Variants in MMP24 observed in about 807,000 individuals in gnomAD.
MMP24 encodes matrix metallopeptidase 24, also known as matrix metalloproteinase-24.
In MMP24, 25 loss-of-function variants were observed where a neutral mutation model predicts 62.8. The ratio of observed to expected loss-of-function variants is 0.40; its 90% CI spans 0.29 to 0.56. The LOEUF is 0.56. MMP24 is among the 20% of genes least tolerant of loss of function. MMP24 has a pLI of 0.50. For synonymous variants in MMP24, 319 were observed against 350.5 expected, an observed-to-expected ratio of 0.91 and a Z score of 1.00; for missense variants, 634 against 853.6, an observed-to-expected ratio of 0.74 and a Z score of 3.21.
intron 7 of MMP24, among the ~76,000 whole-genome samples, chr20:35,270,349 GA>G (rs1367608663): frequency 1.3e-5 from 2 of 152,240 alleles, no homozygotes; most frequent in African/African-American, 4.8e-5. Context: ...GAGAAGCAAG[GA>G]AGGCATTCCA....
intron 4 of MMP24, 105 bp downstream of exon 4, chr20:35,254,859 CA>C (rs1283683498): frequency 7.7e-7 from 1 of 1,294,116 alleles, no homozygotes; most frequent in Non-Finnish European, 1.1e-6. Context: ...GCCTCTTGTC[CA>C]AGAACTAAGA....
In MMP24 at chr20:35,274,374, G is replaced by A; in HGVS notation, c.1703G>A (p.Gly568Asp). ...YPRNILRDWM[G>D]CNQKEVERRK... ...CGCAACATCCTGCGTGACTGGATGG[G>A]CTGCAACCAGAAGGAGGTGGAGCGG... Residue 568 changes from glycine (G) to aspartate (D), a missense_variant, in exon 9 of 9, where the codon GGC (glycine) becomes GAC (aspartate). Around this residue, in one of 3 missense-constraint regions of MMP24, gnomAD observed 399 missense variants for 530.8 expected, o/e 0.75. Coordinates refer to ENST00000246186, the MANE Select transcript of MMP24 (RefSeq NM_006690.4). This position sits in a 1 kb window ranked among gnomAD's most constrained non-coding sequence, Gnocchi z 5.1. 1 of 1,613,998 alleles carries A rather than the reference G, an allele frequency of 6.2e-7. No individual in the cohort carries two copies. Among genetic ancestry groups the A allele is most frequent in the Non-Finnish European group, 8.5e-7 (1 of 1,179,902 alleles).
chr20:35,270,387 A>C (rs2060662434), intron 7 of MMP24, among the ~76,000 whole-genome samples: 1 of 152,244 alleles, frequency 6.6e-6, no homozygotes, highest in South Asian at 2.1e-4. Flanking sequence ...ATAAAGGAGC[A>C]GGGCTGGGAT....
intron 5 of MMP24, among the ~76,000 whole-genome samples, chr20:35,266,050 G>T (rs2060632143): frequency 6.6e-6 from 1 of 151,214 alleles, no homozygotes; most frequent in African/African-American, 2.4e-5. Context: ...TTTATTAATA[G>T]TTGGGTATTG....
At chr20:35,245,910 T>G (rs1051330194) in intron 1 of MMP24, among the ~76,000 whole-genome samples, 1 of 152,120 alleles carries the variant, frequency 6.6e-6, no homozygotes, top group Non-Finnish European at 1.5e-5. Flanking sequence ...CTCCTACATA[T>G]TAATTTTTAT....
At chr20:35,249,658 G>A (rs1176962347) in intron 2 of MMP24, among the ~76,000 whole-genome samples, 20 of 151,184 alleles carry the variant, frequency 1.3e-4, no homozygotes, top group Non-Finnish European at 2.7e-4. Context: ...GCGGGATCTC[G>A]GCTCACTGCA....
intron 2 of MMP24, among the ~76,000 whole-genome samples, chr20:35,249,620 G>A (rs1233969377): frequency 4.0e-5 from 6 of 149,816 alleles, no homozygotes; most frequent in East Asian, 2.0e-4. Flanking sequence ...ACGGAGTCTC[G>A]CTCTGTCGCC....
chr20:35,271,511 A>G lies in MMP24; in HGVS notation c.1334-58A>G. 1.3e-6 allele frequency: 2 copies of G among 1,571,524 alleles called. No individual in the cohort carries two copies. Among genetic ancestry groups the G allele is most frequent in the Non-Finnish European group, 1.7e-6 (2 of 1,157,182 alleles). ...ACTGTTTTCACCTGACACCCTGAAG[A>G]TGGGCAAACGGCACTGAGTGACTGG... On this transcript the variant is annotated intron_variant, in intron 7 of 8. Coordinates refer to ENST00000246186, the MANE Select transcript of MMP24 (RefSeq NM_006690.4). The surrounding 1 kb of genome is among the most constrained non-coding windows in gnomAD (Gnocchi z 4.0).
chr20:35,254,700 G>A lies in MMP24; in HGVS notation c.763G>A (p.Asp255Asn). ...AYFPGPGIGG[D>N]THFDSDEPWT... is the part of the protein sequence containing the mutation. Reference sequence around the variant, plus strand: ...CTTCCCTGGCCCAGGGATTGGAGGAGACACCCACTTTGACTCCGATGAGCC... The same window carrying A: ...CTTCCCTGGCCCAGGGATTGGAGGAAACACCCACTTTGACTCCGATGAGCC... Residue 255 changes from aspartate (D) to asparagine (N), a missense_variant, in exon 4 of 9, where the codon GAC (aspartate) becomes AAC (asparagine). By Grantham distance (23) the Asp-to-Asn change is conservative. Around this residue, in one of 3 missense-constraint regions of MMP24, gnomAD observed 23 missense variants for 63.1 expected, o/e 0.36. Transcript: ENST00000246186. The A allele has an allele frequency of 6.2e-7, 1 of 1,614,220 alleles. No individual in the cohort carries two copies. Among genetic ancestry groups the A allele is most frequent in the Non-Finnish European group, 8.5e-7 (1 of 1,180,036 alleles).
intron 4 of MMP24, among the ~76,000 whole-genome samples, chr20:35,255,056 C>A (rs944109530): frequency 6.6e-6 from 1 of 152,190 alleles, no homozygotes; most frequent in African/African-American, 2.4e-5. Flanking sequence ...AGGGGCCAGG[C>A]ACAATGGCTC....
At chr20:35,237,456 C>T (rs573531470) in intron 1 of MMP24, among the ~76,000 whole-genome samples, 1 of 152,216 alleles carries the variant, frequency 6.6e-6, no homozygotes, top group Non-Finnish European at 1.5e-5. Context: ...TTTCATTAGA[C>T]CCACCTGGAT....
At chr20:35,229,444 C>T (rs1289134719) in intron 1 of MMP24, among the ~76,000 whole-genome samples, 1 of 152,178 alleles carries the variant, frequency 6.6e-6, no homozygotes, top group African/African-American at 2.4e-5. Flanking sequence ...GTGACAAAAA[C>T]ATCATCCTTA....
At chr20:35,251,177 G>A (rs1194409209) in intron 2 of MMP24, among the ~76,000 whole-genome samples, 1 of 150,240 alleles carries the variant, frequency 6.7e-6, no homozygotes, top group Non-Finnish European at 1.5e-5. Context: ...GGAGCACAAT[G>A]GCACAATCTT....
At chr20:35,265,364 C>T (rs2060627285) in intron 5 of MMP24, among the ~76,000 whole-genome samples, 1 of 151,942 alleles carries the variant, frequency 6.6e-6, no homozygotes, top group Admixed American at 6.6e-5. Flanking sequence ...ATCACTTGAA[C>T]CCGGGAGGCG....
rs1412681975 is a variant in MMP24, at chr20:35,251,937, A to T, written c.428A>T (p.Asp143Val). The T allele has an allele frequency of 6.2e-7, 1 of 1,613,934 alleles. No homozygotes were observed. Among genetic ancestry groups the T allele is most frequent in the Admixed American group, 1.7e-5 (1 of 60,014 alleles). The change falls in exon 3 of 9, where the codon GAT (aspartate) becomes GTT (valine). Residue 143 changes from aspartate to valine, a missense_variant. Transcript: ENST00000246186. The stretch of plus-strand genomic sequence containing the variant: ...AAGAAACCCCGATGTGGTGTCCCTG[A>T]TCACCCCCACTTAAGCCGTAGGCGG... ...WMKKPRCGVP[D>V]HPHLSRRRRN...
chr20:35,269,896 A>G lies in MMP24; in HGVS notation c.1331A>G (p.Lys444Arg), dbSNP rs1452585861. ...GCCGATGGGAGATTTGTCTTCTTCA[A>G]AGGTAATGTAGACTGTGCTGTGGGA... The part of the protein sequence containing the change: ...ERADGRFVFF[K>R]GDKYWVFKEV... Residue 444 changes from lysine to arginine, a missense_variant and splice_region_variant, in exon 7 of 9, where the codon AAA becomes AGA. Lys to Arg is a conservative substitution (Grantham distance 26, BLOSUM62 2). This residue lies in a region of MMP24 where 399 missense variants were observed against 530.8 expected (regional missense o/e 0.75). Transcript: ENST00000246186. The surrounding 1 kb of genome is among the most constrained non-coding windows in gnomAD (Gnocchi z 4.6). 9.0e-6 allele frequency: 14 copies of G among 1,551,862 alleles called. No individual in the cohort carries two copies. Among genetic ancestry groups the G allele is most frequent in the Non-Finnish European group, 1.2e-5 (14 of 1,147,038 alleles).
Position 35,271,369 on chromosome 20 carries a change from A to G in MMP24, c.1334-200A>G, listed in dbSNP as rs995396632. ...GGAGAGAGGAGCAAGTCACATGAACAAAAGAGGGTGGGACTCGGAGCCCAG... is the reference window on the plus strand; with the variant it reads ...GGAGAGAGGAGCAAGTCACATGAACGAAAGAGGGTGGGACTCGGAGCCCAG... On this transcript the variant is annotated intron_variant, in intron 7 of 8. Transcript: ENST00000246186. The surrounding 1 kb of genome is among the most constrained non-coding windows in gnomAD (Gnocchi z 4.0). Among the ~76,000 whole-genome samples, 1 of 152,208 alleles carries G rather than the reference A, an allele frequency of 6.6e-6. No homozygotes were observed. Among genetic ancestry groups the G allele is most frequent in the African/African-American group, 2.4e-5 (1 of 41,446 alleles).
chr20:35,231,921 G>A (rs1403075673), intron 1 of MMP24, among the ~76,000 whole-genome samples: 1 of 152,148 alleles, frequency 6.6e-6, no homozygotes, highest in African/African-American at 2.4e-5. Flanking sequence ...GCCTGGTGGT[G>A]CATGCCTGTA....
At chr20:35,270,626 C>A (rs73903033) in intron 7 of MMP24, among the ~76,000 whole-genome samples, 1 of 152,176 alleles carries the variant, frequency 6.6e-6, no homozygotes, top group East Asian at 1.9e-4. Flanking sequence ...ATGGCAGGGG[C>A]AGGGCAGCCA....
Sources: gnomAD v4.1 joint callset for allele counts (sites outside exome capture counted in the v4.1 genomes callset) on GRCh38, gnomAD v4.1.1 for gene constraint, gnomAD v4.1.1 regional missense constraint, Gnocchi (gnomAD v3.1) non-coding constraint, MANE v1.5 for transcripts, NCBI Gene and HGNC (gene_info 2026-07-23, HGNC 2026-07-21) for gene names.